GPR158: variants seen among roughly 807,000 people sequenced by gnomAD.
The protein encoded by GPR158 is G protein-coupled receptor 158, also known as metabotropic glycine receptor.
In GPR158, 30 loss-of-function variants were observed where a neutral mutation model predicts 78.2. The ratio of observed to expected loss-of-function variants is 0.38; its 90% CI spans 0.29 to 0.52. GPR158 has a LOEUF of 0.52. Ranked by LOEUF, GPR158 falls within the 20% of genes least tolerant of loss-of-function variation. The pLI is 0.83. For synonymous variants in GPR158, 581 were observed against 591.1 expected (o/e 0.98, Z 0.25); for missense variants, 1,463 against 1,523.5 (o/e 0.96, Z 0.66).
At chr10:25,503,952 G>A (rs988128160) in intron 5 of GPR158, among the ~76,000 whole-genome samples, 9 of 151,506 alleles carry the variant, frequency 5.9e-5, no homozygotes, top group African/African-American at 2.2e-4. Flanking sequence ...GTGCGATGGG[G>A]TGACCTTGGC....
At chr10:25,203,476 A>C (rs1251378551) in intron 1 of GPR158, among the ~76,000 whole-genome samples, 1 of 152,032 alleles carries the variant, frequency 6.6e-6, no homozygotes, top group East Asian at 1.9e-4. Context: ...ACATATGGCT[A>C]GCCAGTTTTC....
intron 7 of GPR158, among the ~76,000 whole-genome samples, chr10:25,577,165 T>A (rs1281555822): frequency 6.6e-6 from 1 of 152,196 alleles, no homozygotes; most frequent in Non-Finnish European, 1.5e-5. Context: ...TAACGTGTAG[T>A]GTGTGCCTTT....
intron 2 of GPR158, among the ~76,000 whole-genome samples, chr10:25,383,597 A>G (rs1834185649): frequency 6.6e-6 from 1 of 152,210 alleles, no homozygotes; most frequent in South Asian, 2.1e-4. Flanking sequence ...GAAGGGAGAG[A>G]TTCATTTGTA....
chr10:25,238,238 C>T (rs1274214407), intron 2 of GPR158, among the ~76,000 whole-genome samples: 1 of 152,178 alleles, frequency 6.6e-6, no homozygotes, highest in East Asian at 1.9e-4. Flanking sequence ...CCTCCCTCCA[C>T]ACTCACTCCC....
intron 2 of GPR158, among the ~76,000 whole-genome samples, chr10:25,379,357 T>G (rs1834124725): frequency 6.6e-6 from 1 of 152,176 alleles, no homozygotes; most frequent in Non-Finnish European, 1.5e-5. Context: ...AGTAACTTGA[T>G]ATAGACATAT....
At chr10:25,448,569 C>G (rs1204826220) in intron 4 of GPR158, among the ~76,000 whole-genome samples, 2 of 152,158 alleles carry the variant, frequency 1.3e-5, no homozygotes, top group African/African-American at 4.8e-5. Context: ...AATAAAGTTG[C>G]TATAAACAGT....
chr10:25,455,277 T>TA (rs1410070767), intron 4 of GPR158, among the ~76,000 whole-genome samples: 1 of 152,186 alleles, frequency 6.6e-6, no homozygotes, highest in African/African-American at 2.4e-5. Context: ...TGTTTGGAGT[T>TA]ATTAGTTTAG....
chr10:25,263,774 TA>T (rs1854001688), intron 2 of GPR158, among the ~76,000 whole-genome samples: 1 of 152,022 alleles, frequency 6.6e-6, no homozygotes, highest in Non-Finnish European at 1.5e-5. Flanking sequence ...CCGTCTCTAC[TA>T]AAAATATAGA....
intron 3 of GPR158, among the ~76,000 whole-genome samples, chr10:25,409,974 T>G (rs768405518): frequency 6.6e-6 from 1 of 152,222 alleles, no homozygotes; most frequent in Non-Finnish European, 1.5e-5. Flanking sequence ...CTTTGGAAAT[T>G]ATTACCTTAT....
At chr10:25,567,596 G>A (rs1836947238) in intron 6 of GPR158, among the ~76,000 whole-genome samples, 1 of 152,072 alleles carries the variant, frequency 6.6e-6, no homozygotes, top group Admixed American at 6.6e-5. Flanking sequence ...GTGGGAGGAG[G>A]GATGGTGAGG....
Position 25,572,867 on chromosome 10 carries a change from G to A in GPR158, c.1733G>A (p.Trp578Ter), listed in dbSNP as rs2130732206. ...LIFNMCLIDR[W>*]DYMTAVAEFL... ...TTCAATATGTGCCTCATTGACCGCT[G>A]GGACTACATGACAGCAGTTGGTATG... is the stretch of plus-strand genomic sequence containing the variant. The change falls in exon 7 of 11, where the codon TGG (tryptophan) becomes TAG (stop). Residue 578 changes from tryptophan to a stop codon, truncating the protein, a stop_gained. Coordinates refer to ENST00000376351, the MANE Select transcript of GPR158 (RefSeq NM_020752.3). LOFTEE classifies it high-confidence loss of function. The A allele has an allele frequency of 1.2e-6, 2 of 1,602,950 alleles. No individual in the cohort carries two copies. The highest frequency in any genetic ancestry group is 8.5e-7 in the Non-Finnish European group (1 of 1,169,912).
At chr10:25,590,638 A>G (rs1279185139) in intron 8 of GPR158, among the ~76,000 whole-genome samples, 1 of 152,200 alleles carries the variant, frequency 6.6e-6, no homozygotes, top group Non-Finnish European at 1.5e-5. Context: ...ACAACCAGTT[A>G]CAAGTTAAAT....
intron 1 of GPR158, among the ~76,000 whole-genome samples, chr10:25,193,214 C>G (rs966522765): frequency 2.0e-5 from 3 of 151,494 alleles, no homozygotes; most frequent in African/African-American, 7.3e-5. Flanking sequence ...AATAAACAGG[C>G]AAAATAAAAA....
chr10:25,365,109 T>C (rs966149154), intron 2 of GPR158, among the ~76,000 whole-genome samples: 3 of 151,830 alleles, frequency 2.0e-5, no homozygotes, highest in Non-Finnish European at 2.9e-5. Flanking sequence ...TTTGGTAGTT[T>C]AATAGTTAAC....
intron 6 of GPR158, among the ~76,000 whole-genome samples, chr10:25,557,848 G>A (rs1235512254): frequency 6.6e-6 from 1 of 152,036 alleles, no homozygotes; most frequent in African/African-American, 2.4e-5. Context: ...CATTTTAATG[G>A]TCCTTCCTTT....
At position 25,176,004 on chromosome 10, in the gene GPR158, C is replaced by T. The variant is rs773101327; in HGVS notation, c.584C>T (p.Thr195Met). ...APAPQVFLQA[T>M]REESRILLQD... ...GCCCCACAGGTCTTCCTCCAGGCCA[C>T]GCGCGAGGAGAGCCGCATCCTGCTC... The change falls in exon 1 of 11, where the codon ACG becomes ATG. Residue 195 changes from threonine to methionine, a missense_variant. Transcript: ENST00000376351. This position sits in a 1 kb window ranked among gnomAD's most constrained non-coding sequence, Gnocchi z 6.3. 5.6e-6 allele frequency: 9 copies of T among 1,612,876 alleles called. No individual in the cohort carries two copies. In the Admixed American group the frequency reaches 1.0e-4, roughly 18 times the overall value.
intron 2 of GPR158, among the ~76,000 whole-genome samples, chr10:25,370,807 C>T (rs547091937): frequency 6.6e-6 from 1 of 151,182 alleles, no homozygotes; most frequent in Admixed American, 6.6e-5. Flanking sequence ...GAGTCTAAGT[C>T]TCTTTGTAGG....
intron 2 of GPR158, among the ~76,000 whole-genome samples, chr10:25,345,075 T>C (rs1045958524): frequency 9.2e-5 from 14 of 152,014 alleles, no homozygotes. Flanking sequence ...AACATATGAA[T>C]TTGAAGGGCC....
At chr10:25,558,744 T>C (rs1486725246) in intron 6 of GPR158, among the ~76,000 whole-genome samples, 3 of 152,262 alleles carry the variant, frequency 2.0e-5, no homozygotes, top group African/African-American at 4.8e-5. Flanking sequence ...GATTTATCTT[T>C]GACCCATAAG....
Sources: gnomAD v4.1 joint callset for allele counts (sites outside exome capture counted in the v4.1 genomes callset) on GRCh38, gnomAD v4.1.1 for gene constraint, Gnocchi (gnomAD v3.1) non-coding constraint, MANE v1.5 for transcripts, NCBI Gene and HGNC (gene_info 2026-07-23, HGNC 2026-07-21) for gene names.